Variants in MYH11 observed in about 807,000 individuals in gnomAD.
MYH11 encodes myosin-11.
In MYH11, 80 loss-of-function variants were observed where a neutral mutation model predicts 246.6. That is an observed-to-expected ratio of 0.32 (90% confidence interval 0.27 to 0.39). The LOEUF (loss-of-function observed/expected upper bound fraction) is 0.39. Ranked by LOEUF, MYH11 falls within the 10% of genes least tolerant of loss-of-function variation. The probability of loss-of-function intolerance (pLI) is 1.00; values close to 1 mark genes in which losing one functional copy is unlikely to be tolerated. For synonymous variants in MYH11, 1,071 were observed against 1,015.5 expected (o/e 1.05, Z -1.04); for missense variants, 2,158 against 2,546.8 (o/e 0.85, Z 3.29).
intron 3 of MYH11, among the ~76,000 whole-genome samples, chr16:15,803,048 A>C (rs1052237782): frequency 7.3e-5 from 11 of 151,702 alleles, no homozygotes; most frequent in Admixed American, 6.6e-5. Flanking sequence ...AAGGCAGGAG[A>C]ATCACTTGAA....
At chr16:15,721,333 G>GC in intron 32 of MYH11, 89 bp downstream of exon 32, 1 of 1,427,972 alleles carries the variant, frequency 7.0e-7, no homozygotes. Context: ...TATGAAAAAG[G>GC]CCAGGAGCTA....
intron 40 of MYH11, chr16:15,712,882 G>GGTTTTTTTTTTTTTTTTTTTTTT (rs2039886822): frequency 2.2e-5 from 2 of 90,636 alleles, no homozygotes; most frequent in African/African-American, 9.0e-5. Context: ...TTCACATACA[G>GGTTTTTTTTTTTTTTTTTTTTTT]TTTTTTTTTT....
At chr16:15,854,973 C>A (rs748321658) in intron 1 of MYH11, among the ~76,000 whole-genome samples, 1 of 152,078 alleles carries the variant, frequency 6.6e-6, no homozygotes, top group Non-Finnish European at 1.5e-5. Context: ...ATCCCCAGGG[C>A]CAGGACCAAC....
chr16:15,803,793 C>T (rs1452491138), intron 3 of MYH11, among the ~76,000 whole-genome samples: 2 of 152,158 alleles, frequency 1.3e-5, no homozygotes, highest in Non-Finnish European at 1.5e-5. Flanking sequence ...GCTCACAGGG[C>T]CCCCAGGAGA....
At chr16:15,813,348 C>A (rs2043184109) in intron 3 of MYH11, among the ~76,000 whole-genome samples, 1 of 151,882 alleles carries the variant, frequency 6.6e-6, no homozygotes, top group East Asian at 1.9e-4. Context: ...GACCCTGTCT[C>A]TAAAAAAAGC....
intron 3 of MYH11, among the ~76,000 whole-genome samples, chr16:15,808,456 C>A (rs1008316311): frequency 1.1e-4 from 16 of 152,188 alleles, no homozygotes; most frequent in African/African-American, 3.1e-4. Context: ...AGTGAGGGCC[C>A]TTCTCTTTCT....
intron 3 of MYH11, among the ~76,000 whole-genome samples, chr16:15,821,926 A>C (rs2043423967): frequency 4.1e-5 from 2 of 49,020 alleles, no homozygotes; most frequent in Admixed American, 2.8e-4. Context: ...CTCCGTCTCA[A>C]AAAAAAAAAA....
chr16:15,726,681 A>T, intron 28 of MYH11, 167 bp downstream of exon 28: 1 of 825,028 alleles, frequency 1.2e-6, no homozygotes, highest in Non-Finnish European at 2.0e-6. Context: ...AGGTTTTTTT[A>T]ATATTTAATT....
intron 2 of MYH11, among the ~76,000 whole-genome samples, chr16:15,832,434 T>C (rs2043764949): frequency 6.6e-6 from 1 of 152,050 alleles, no homozygotes; most frequent in Non-Finnish European, 1.5e-5. Flanking sequence ...CGGTCAATGG[T>C]TACCATGGCC....
chr16:15,756,645 A>G, intron 13 of MYH11, 131 bp from the exon 14 acceptor site: 1 of 916,748 alleles, frequency 1.1e-6, no homozygotes, highest in Non-Finnish European at 1.7e-6. Flanking sequence ...ACATATAAAG[A>G]TGAGTTTATG....
In MYH11 at chr16:15,836,726, T is replaced by C. The variant is rs28439529; in HGVS notation, c.345+1182A>G. Among the ~76,000 whole-genome samples, 282 of 131,700 alleles carry C rather than the reference T, an allele frequency of 2.1e-3. 1 individual carries two copies. Among genetic ancestry groups the C allele is most frequent in the African/African-American group, 7.9e-3 (272 of 34,290 alleles). The allele number at this position is 131,700 out of a possible 152,430, so 86.4% of individuals were successfully genotyped here. A position where few individuals can be genotyped will look rare whatever the true frequency, so the allele number is the denominator to read the frequency against. ...ATAAATTTTTTAATGTTTCTTTTTT[T>C]TTTTTTTTTTTTTTTGAGATGGAGT... On this transcript the variant is annotated intron_variant, in intron 2 of 40. Transcript: ENST00000300036.
intron 26 of MYH11, among the ~76,000 whole-genome samples, chr16:15,735,055 T>G (rs2041073493): frequency 6.6e-6 from 1 of 151,672 alleles, no homozygotes; most frequent in Non-Finnish European, 1.5e-5. Context: ...GGCACATACC[T>G]GTAATCCCAG....
In MYH11 at chr16:15,703,989, G is replaced by A. The variant is rs780448164; in HGVS notation, c.*2C>T. The A allele has an allele frequency of 5.6e-6, 9 of 1,613,996 alleles. No homozygotes were observed. The highest frequency in any genetic ancestry group is 2.2e-5 in the South Asian group (2 of 91,072). On this transcript the variant is annotated 3_prime_UTR_variant, in exon 41 of 41. Coordinates refer to ENST00000300036, the MANE Select transcript of MYH11 (RefSeq NM_002474.3). ...CCGTGGTGCAAAACTGTAGAAAGTTGCTTATTCACTGGCCTTGGTTCCATT... is the reference window on the plus strand; with the variant it reads ...CCGTGGTGCAAAACTGTAGAAAGTTACTTATTCACTGGCCTTGGTTCCATT...
chr16:15,762,267 G>A (rs992347675), intron 10 of MYH11, among the ~76,000 whole-genome samples: 3 of 152,164 alleles, frequency 2.0e-5, no homozygotes, highest in African/African-American at 2.4e-5. Context: ...GAGCCACCAC[G>A]CCTAGCCTCT....
At chr16:15,776,268 T>C in intron 7 of MYH11, 92 bp from the exon 8 acceptor site, 1 of 875,622 alleles carries the variant, frequency 1.1e-6, no homozygotes, top group Non-Finnish European at 1.9e-6. Context: ...TCACATGGGA[T>C]GACTTTCCAG....
chr16:15,836,016 C>T (rs7199924), intron 2 of MYH11, among the ~76,000 whole-genome samples: 58,016 of 151,928 alleles, frequency 0.38, 11,532 homozygotes, highest in African/African-American at 0.49. Flanking sequence ...TCTCAAAGTG[C>T]TGGGATTACA....
In MYH11 at chr16:15,748,047, C is replaced by T. The variant is rs1360594189; in HGVS notation, c.2180G>A (p.Arg727His). 2.5e-6 allele frequency: 4 copies of T among 1,614,202 alleles called. No homozygotes were observed. The highest frequency in any genetic ancestry group is 1.7e-5 in the Admixed American group (1 of 60,028). The change falls in exon 17 of 41, where the codon CGC (arginine) becomes CAC (histidine). Residue 727 changes from arginine to histidine, a missense_variant and splice_region_variant. By Grantham distance (29) the Arg-to-His change is conservative (BLOSUM62 0). This residue lies in a region of MYH11 where 317 missense variants were observed against 507.7 expected (regional missense o/e 0.62). Transcript: ENST00000300036. ...ACCTGGGCCAGACCTTGGGACTTAC[C>T]GTTGGCGGAACTCCTGGAAGACGAT... is the stretch of plus-strand genomic sequence containing the variant. Reference protein sequence around the residue: ...NRIVFQEFRQRYEILAANAIP... With the variant: ...NRIVFQEFRQHYEILAANAIP...
Position 15,730,993 on chromosome 16 carries a change from C to CT in MYH11, c.3651+1570dup, listed in dbSNP as rs879882000. Reference sequence around the variant, plus strand: ...CAAATAATGACAAGTTTCCTCCAGTCTTTTTTTTTTTTACAAAAGAAAAAT... The same window carrying CT: ...CAAATAATGACAAGTTTCCTCCAGTCTTTTTTTTTTTTTACAAAAGAAAAAT... On this transcript the variant is annotated intron_variant, in intron 27 of 40. Transcript: ENST00000300036. Among the ~76,000 whole-genome samples the CT allele has an allele frequency of 9.1e-3, 1,335 of 146,514 alleles. 22 individuals are homozygous for CT. Among genetic ancestry groups the CT allele is most frequent in the African/African-American group, 0.029 (1,162 of 40,202 alleles).
rs1360178851 is a variant in MYH11 at position 15,727,193 on chromosome 16, GTTT to G, written c.3652-142_3652-140del. On this transcript the variant is annotated intron_variant, in intron 27 of 40. Transcript: ENST00000300036. Reference sequence around the variant, plus strand: ...CACAATCACCAGTAAGAGATTTGGGGTTTTTTTGTTGTTATTTTTTTTTTGAGA... The same window carrying G: ...CACAATCACCAGTAAGAGATTTGGGGTTTTGTTGTTATTTTTTTTTTGAGA... 4.0e-6 allele frequency: 3 copies of G among 750,702 alleles called. No individual in the cohort carries two copies. The African/African-American group carries it at 5.4e-5, about 13-fold the overall frequency. The allele number at this position is 750,702 out of a possible 1,614,324, so 46.5% of individuals were successfully genotyped here.
Sources: gnomAD v4.1 joint callset for allele counts (sites outside exome capture counted in the v4.1 genomes callset) on GRCh38, gnomAD v4.1.1 for gene constraint, gnomAD v4.1.1 regional missense constraint, MANE v1.5 for transcripts, NCBI Gene and HGNC (gene_info 2026-07-23, HGNC 2026-07-21) for gene names.